The following SCFD2 variants were observed in gnomAD, a reference collection of about 807,000 sequenced individuals.
The protein encoded by SCFD2 is sec1 family domain-containing protein 2.
A neutral mutation model predicts 58.9 loss-of-function variants in SCFD2; 54 were observed. The observed-to-expected ratio is 0.92, with a 90% CI of 0.74 to 1.15. The LOEUF (loss-of-function observed/expected upper bound fraction) is 1.15, where lower values mean the gene tolerates loss of function less well. Ranked by LOEUF, SCFD2 falls within the 50% of genes most tolerant of loss-of-function variation. SCFD2 has a pLI of 0.00. For missense variants in SCFD2, 805 were observed against 836.6 expected (o/e 0.96, Z 0.47); for synonymous variants, 321 against 335.9 (o/e 0.96, Z 0.49).
intron 4 of SCFD2, among the ~76,000 whole-genome samples, chr4:53,217,808 T>C (rs184676108): frequency 1.3e-5 from 2 of 152,346 alleles, no homozygotes; most frequent in African/African-American, 4.8e-5. Context: ...GTTTAGTGCT[T>C]CCTTCAGGAG....
At chr4:53,361,526 A>T (rs187380847) in intron 1 of SCFD2, among the ~76,000 whole-genome samples, 1 of 152,298 alleles carries the variant, frequency 6.6e-6, no homozygotes, top group East Asian at 1.9e-4. Context: ...CCTCACAAGT[A>T]ACTGAGACCA....
In SCFD2 at chr4:52,874,072, G is replaced by A. The variant is rs766691726; in HGVS notation, c.1963-11C>T. ...GGACAGCACGATTACCTAACAACAG[G>A]AGAGGGCAAACACACCGCAGGGAAT... On this transcript the variant is annotated splice_polypyrimidine_tract_variant and intron_variant, in intron 8 of 8. Coordinates refer to ENST00000401642, the MANE Select transcript of SCFD2 (RefSeq NM_152540.4). 11 of 1,595,010 alleles carry A rather than the reference G, an allele frequency of 6.9e-6. No individual in the cohort carries two copies. In the African/African-American group the frequency reaches 1.5e-4, roughly 21 times the overall value.
chr4:52,986,491 ATTTTTTT>A (rs369944739), intron 5 of SCFD2, among the ~76,000 whole-genome samples: 1 of 84,924 alleles, frequency 1.2e-5, no homozygotes, highest in Non-Finnish European at 2.1e-5. Flanking sequence ...TCTTCATGAA[ATTTTTTT>A]TTTTTTTTTT....
chr4:53,145,967 C>T (rs773857277), intron 4 of SCFD2, among the ~76,000 whole-genome samples: 14 of 152,088 alleles, frequency 9.2e-5, no homozygotes, highest in Non-Finnish European at 1.5e-4. Context: ...TCTATATATC[C>T]AAATGAATGC....
Position 52,951,433 on chromosome 4 carries a change from G to A in SCFD2, c.1562-30563C>T, listed in dbSNP as rs184335985. 5.7e-3 allele frequency among the ~76,000 whole-genome samples: 854 copies of A among 150,706 alleles called. 7 individuals carry two copies. Among genetic ancestry groups the A allele is most frequent in the African/African-American group, 0.021 (823 of 40,032 alleles). Reference sequence around the variant, plus strand: ...GAAGAAGGCTTGTTAACCTGAGACTGGGAAATCTTTGAAAACTGACAACTC... The same window carrying A: ...GAAGAAGGCTTGTTAACCTGAGACTAGGAAATCTTTGAAAACTGACAACTC... On this transcript the variant is annotated intron_variant, in intron 5 of 8. Coordinates refer to ENST00000401642, the MANE Select transcript of SCFD2 (RefSeq NM_152540.4).
chr4:53,275,002 T>A (rs1226643448), intron 3 of SCFD2, among the ~76,000 whole-genome samples: 1 of 152,256 alleles, frequency 6.6e-6, no homozygotes, highest in African/African-American at 2.4e-5. Flanking sequence ...ATCCAAGTTA[T>A]TTGCTTGTTA....
chr4:53,101,004 TG>T (rs1724817744), intron 5 of SCFD2, among the ~76,000 whole-genome samples: 1 of 152,164 alleles, frequency 6.6e-6, no homozygotes, highest in South Asian at 2.1e-4. Flanking sequence ...TATCCACCTC[TG>T]GCACAACTTC....
At chr4:52,874,910 C>T (rs541493044) in intron 8 of SCFD2, among the ~76,000 whole-genome samples, 66 of 152,248 alleles carry the variant, frequency 4.3e-4, no homozygotes, top group Non-Finnish European at 7.6e-4. Flanking sequence ...CAACTCATAA[C>T]GATGATGGGA....
At chr4:53,248,764 C>T (rs189837403) in intron 4 of SCFD2, among the ~76,000 whole-genome samples, 4 of 152,246 alleles carry the variant, frequency 2.6e-5, no homozygotes, top group Admixed American at 6.5e-5. Flanking sequence ...AGAAGGAAAA[C>T]GAACAAACAG....
intron 7 of SCFD2, among the ~76,000 whole-genome samples, chr4:52,891,737 C>T (rs553317854): frequency 3.0e-4 from 46 of 152,382 alleles, no homozygotes; most frequent in African/African-American, 1.1e-3. Flanking sequence ...CTTTTACTTA[C>T]ACTTAATCCC....
chr4:53,097,107 G>C (rs1724674723), intron 5 of SCFD2, among the ~76,000 whole-genome samples: 1 of 152,184 alleles, frequency 6.6e-6, no homozygotes, highest in Non-Finnish European at 1.5e-5. Flanking sequence ...ATGCTGTTTT[G>C]GTTACTGTAG....
intron 4 of SCFD2, among the ~76,000 whole-genome samples, chr4:53,169,069 T>G (rs1233000471): frequency 1.3e-5 from 2 of 152,218 alleles, no homozygotes; most frequent in Non-Finnish European, 2.9e-5. Context: ...AAATGAATGA[T>G]TCCCTTCTTT....
At chr4:53,315,225 T>G (rs952072784) in intron 2 of SCFD2, among the ~76,000 whole-genome samples, 1 of 125,994 alleles carries the variant, frequency 7.9e-6, no homozygotes, top group African/African-American at 3.1e-5. Context: ...AAGTTAAAAC[T>G]CAATCTGGGA....
At chr4:53,210,370 G>C (rs1251490442) in intron 4 of SCFD2, among the ~76,000 whole-genome samples, 2 of 152,048 alleles carry the variant, frequency 1.3e-5, no homozygotes, top group African/African-American at 2.4e-5. Flanking sequence ...CTTTCCAGGG[G>C]TTCCACGAGG....
intron 5 of SCFD2, among the ~76,000 whole-genome samples, chr4:53,019,901 G>A (rs1722306988): frequency 3.3e-5 from 5 of 152,106 alleles, no homozygotes; most frequent in Admixed American, 3.3e-4. Context: ...TAAAGTTCAG[G>A]CACAGAGACC....
intron 8 of SCFD2, among the ~76,000 whole-genome samples, chr4:52,879,822 T>A (rs2109441056): frequency 6.6e-6 from 1 of 152,340 alleles, no homozygotes; most frequent in East Asian, 1.9e-4. Context: ...ACATTCCATA[T>A]CCCCCTGATT....
At chr4:52,914,188 A>C (rs1206282783) in intron 6 of SCFD2, among the ~76,000 whole-genome samples, 1 of 152,240 alleles carries the variant, frequency 6.6e-6, no homozygotes, top group Non-Finnish European at 1.5e-5. Context: ...ATTGCTTATG[A>C]CAAAAATGAC....
intron 5 of SCFD2, among the ~76,000 whole-genome samples, chr4:53,074,926 G>A (rs1723927618): frequency 6.6e-6 from 1 of 152,134 alleles, no homozygotes; most frequent in South Asian, 2.1e-4. Context: ...AGCTGCATTA[G>A]CCCCTTGAAA....
At chr4:53,196,245 G>A (rs768986236) in intron 4 of SCFD2, among the ~76,000 whole-genome samples, 1 of 152,122 alleles carries the variant, frequency 6.6e-6, no homozygotes, top group Non-Finnish European at 1.5e-5. Context: ...GGTCTGGTTA[G>A]TCTTCACAAT....
Sources: allele counts gnomAD v4.1 joint callset (sites outside exome capture counted in the v4.1 genomes callset), GRCh38; gene constraint gnomAD v4.1.1; transcripts MANE v1.5; gene names NCBI Gene and HGNC (gene_info 2026-07-23, HGNC 2026-07-21).